Variants in PPP2R1B observed in about 807,000 individuals in gnomAD.
PPP2R1B encodes serine/threonine-protein phosphatase 2A 65 kDa regulatory subunit A beta isoform.
PPP2R1B carries 58 observed loss-of-function variants against 72.7 expected under a neutral mutation model. That is an observed-to-expected ratio of 0.80 (90% CI 0.65 to 0.99). The LOEUF is 0.99. PPP2R1B is among the 50% of genes least tolerant of loss of function. PPP2R1B has a pLI of 0.00. For synonymous variants in PPP2R1B, 256 were observed against 264.6 expected (o/e 0.97, Z 0.32); for missense variants, 695 against 733.6 (o/e 0.95, Z 0.61).
the PPP2R1B span, among the ~76,000 whole-genome samples, chr11:111,712,556 A>C: frequency 6.6e-6 from 1 of 152,192 alleles, no homozygotes; most frequent in Non-Finnish European, 1.5e-5. Context: ...AGTGTTTATC[A>C]TTATGACCAG....
intron 3 of PPP2R1B, among the ~76,000 whole-genome samples, chr11:111,763,304 G>T (rs1259662540): frequency 1.3e-5 from 2 of 152,200 alleles, no homozygotes; most frequent in African/African-American, 4.8e-5. Flanking sequence ...GCCTTTTGCA[G>T]TCTGTTCCCT....
At chr11:111,721,096 G>T in the PPP2R1B span, 1 of 1,589,202 alleles carries the variant, frequency 6.3e-7, no homozygotes, top group Non-Finnish European at 8.5e-7. Flanking sequence ...CAATGGCTCT[G>T]TGAGGATGAG....
At chr11:111,765,982 G>A in intron 1 of PPP2R1B, 1 of 559,596 alleles carries the variant, frequency 1.8e-6, no homozygotes. Context: ...GGCGGGAAGC[G>A]GGTTCCCCGA....
At position 111,741,610 on chromosome 11, in the gene PPP2R1B, G is replaced by C; in HGVS notation, c.1792C>G (p.Leu598Val). The change falls in exon 15 of 15, where the codon CTT becomes GTT. Residue 598 changes from leucine (L) to valine (V), a missense_variant and splice_region_variant. Coordinates refer to ENST00000527614, the MANE Select transcript of PPP2R1B (RefSeq NM_002716.5). ...KYFAQEAISVLALA is the reference protein window; with the variant it reads ...KYFAQEAISVVALA ...CCTGCTCCTCATTATGCCAATGCAA[G>C]AACTGGAAAATTCCAAACAAAATCA... The C allele has an allele frequency of 6.2e-7, 1 of 1,613,080 alleles. No homozygotes were observed. Among genetic ancestry groups the C allele is most frequent in the Non-Finnish European group, 8.5e-7 (1 of 1,179,788 alleles).
chr11:111,712,080 T>C, the PPP2R1B span: 3 of 964,188 alleles, frequency 3.1e-6, no homozygotes, highest in South Asian at 1.6e-5. Context: ...ACTAAATCTT[T>C]CTGGAGTTTC....
chr11:111,744,392 A>G (rs1323308025), intron 11 of PPP2R1B, among the ~76,000 whole-genome samples: 2 of 152,228 alleles, frequency 1.3e-5, no homozygotes, highest in Admixed American at 6.5e-5. Flanking sequence ...TTAGGTTGAA[A>G]CAAGATGTCA....
chr11:111,708,404 AT>A, the PPP2R1B span, among the ~76,000 whole-genome samples: 3 of 152,132 alleles, frequency 2.0e-5, no homozygotes, highest in South Asian at 4.1e-4. Flanking sequence ...ATAAAAAAAA[AT>A]AAATAAAGTA....
the PPP2R1B span, among the ~76,000 whole-genome samples, chr11:111,690,608 C>CGAG: frequency 6.6e-6 from 1 of 151,460 alleles, no homozygotes; most frequent in Non-Finnish European, 1.5e-5. Context: ...TCTCCCTCCC[C>CGAG]GCCTCCCCTC....
At chr11:111,766,108 T>G in intron 1 of PPP2R1B, 140 bp downstream of exon 1, 1 of 778,838 alleles carries the variant, frequency 1.3e-6, no homozygotes, top group Non-Finnish European at 2.1e-6. Flanking sequence ...CGCGGAGCAT[T>G]CCCCGCCTCC....
At chr11:111,714,233 G>A in the PPP2R1B span, among the ~76,000 whole-genome samples, 1 of 152,226 alleles carries the variant, frequency 6.6e-6, no homozygotes, top group African/African-American at 2.4e-5. Context: ...GAGGAAAAGG[G>A]CACATGCAGG....
intron 3 of PPP2R1B, among the ~76,000 whole-genome samples, chr11:111,764,136 A>C (rs1226273108): frequency 1.3e-5 from 2 of 151,934 alleles, no homozygotes; most frequent in Non-Finnish European, 2.9e-5. Flanking sequence ...GGGTACTTAT[A>C]TCTTTCCATT....
the PPP2R1B span, chr11:111,720,866 G>C: frequency 2.3e-3 from 3,727 of 1,607,418 alleles, 78 homozygotes; most frequent in African/African-American, 0.043. Context: ...TTGTATTTTA[G>C]TTAAACTGTT....
intron 9 of PPP2R1B, 88 bp from the exon 10 acceptor site, chr11:111,752,420 G>T: frequency 7.6e-7 from 1 of 1,318,318 alleles, no homozygotes; most frequent in Non-Finnish European, 1.0e-6. Context: ...AAAAGGTGAG[G>T]TAAGACTCAG....
At chr11:111,720,355 G>C in the PPP2R1B span, 2 of 1,056,764 alleles carry the variant, frequency 1.9e-6, no homozygotes, top group Admixed American at 5.8e-5. Flanking sequence ...GCTCTGAAAA[G>C]ATGTTTTGAT....
At chr11:111,743,094 A>T (rs1944583839) in intron 12 of PPP2R1B, among the ~76,000 whole-genome samples, 1 of 152,066 alleles carries the variant, frequency 6.6e-6, no homozygotes, top group African/African-American at 2.4e-5. Flanking sequence ...AGGTCTTGCC[A>T]TGTTGACCAG....
At chr11:111,727,132 C>A in intron 15 of PPP2R1B, 1 of 1,289,744 alleles carries the variant, frequency 7.8e-7, no homozygotes, top group African/African-American at 1.5e-5. Flanking sequence ...ACTGACCGTC[C>A]CCAGCTGCCC....
the PPP2R1B span, chr11:111,720,655 C>T: frequency 6.2e-7 from 1 of 1,614,108 alleles, no homozygotes. Flanking sequence ...CTGAGACCTA[C>T]CAACCCAGCC....
the PPP2R1B span, among the ~76,000 whole-genome samples, chr11:111,691,384 A>G: frequency 9.2e-5 from 14 of 152,256 alleles, no homozygotes; most frequent in Non-Finnish European, 1.9e-4. Context: ...CTTCACAGCA[A>G]TCTTGGGAGC....
In PPP2R1B at chr11:111,741,068, A is replaced by C; in HGVS notation, c.*528T>G. On this transcript the variant is annotated 3_prime_UTR_variant, in exon 15 of 15. Transcript: ENST00000527614. Reference sequence around the variant, plus strand: ...CTTCCACATTCCCCTTTCACATGAGACTAATGCAGACCATCATAATTCAGG... The same window carrying C: ...CTTCCACATTCCCCTTTCACATGAGCCTAATGCAGACCATCATAATTCAGG... 2 of 987,202 alleles carry C rather than the reference A, an allele frequency of 2.0e-6. No homozygotes were observed. Among genetic ancestry groups the C allele is most frequent in the Non-Finnish European group, 2.4e-6 (2 of 830,868 alleles). The allele number at this position is 987,202 out of a possible 1,614,324, so 61.2% of individuals were successfully genotyped here.
Sources: allele counts gnomAD v4.1 joint callset (sites outside exome capture counted in the v4.1 genomes callset), GRCh38; gene constraint gnomAD v4.1.1; transcripts MANE v1.5; gene names NCBI Gene and HGNC (gene_info 2026-07-23, HGNC 2026-07-21).